Variants in SLC12A7 observed in about 807,000 individuals in gnomAD.
SLC12A7 encodes the protein K-Cl cotransporter 4.
A neutral mutation model predicts 120.6 loss-of-function variants in SLC12A7; 100 were observed. The observed-to-expected ratio is 0.83, with a 90% CI of 0.71 to 0.98. The LOEUF (loss-of-function observed/expected upper bound fraction) is 0.98. Ranked by LOEUF, SLC12A7 falls within the 50% of genes least tolerant of loss-of-function variation. SLC12A7 has a pLI of 0.00. For missense variants in SLC12A7, 1,373 were observed against 1,548.1 expected, an observed-to-expected ratio of 0.89 and a Z score of 1.90; for synonymous variants, 760 against 678.0, an observed-to-expected ratio of 1.12 and a Z score of -1.88.
the SLC12A7 span, among the ~76,000 whole-genome samples, chr5:1,137,076 T>C: frequency 1.4e-5 from 2 of 145,248 alleles, no homozygotes; most frequent in African/African-American, 2.9e-5. Flanking sequence ...CACACGTGTG[T>C]CTACAGCCAG....
At chr5:1,136,266 TCC>T in the SLC12A7 span, among the ~76,000 whole-genome samples, 2 of 130,912 alleles carry the variant, frequency 1.5e-5, no homozygotes, top group African/African-American at 6.8e-5. Context: ...AAATCACGAC[TCC>T]TCCTGACACC....
intron 20 of SLC12A7, among the ~76,000 whole-genome samples, chr5:1,061,786 C>T (rs1451875378): frequency 1.6e-5 from 2 of 124,514 alleles, no homozygotes; most frequent in African/African-American, 5.8e-5. Context: ...CCCATTGCTA[C>T]TAAAAATACA....
chr5:1,087,907 T>C lies in SLC12A7; in HGVS notation c.544+399A>G, dbSNP rs75090992. 5.3e-5 allele frequency among the ~76,000 whole-genome samples: 8 copies of C among 152,354 alleles called. No individual in the cohort carries two copies. In the East Asian group the frequency reaches 1.3e-3, roughly 26 times the overall value. On this transcript the variant is annotated intron_variant, in intron 5 of 23. Coordinates refer to ENST00000264930, the MANE Select transcript of SLC12A7 (RefSeq NM_006598.3). Reference sequence around the variant, plus strand: ...CTAGTTATTTAGTTATTATGTATTGTAATTAACTTATTACTAATTAACAAG... The same window carrying C: ...CTAGTTATTTAGTTATTATGTATTGCAATTAACTTATTACTAATTAACAAG...
At chr5:1,060,280 G>A (rs915164023) in intron 21 of SLC12A7, 64 bp downstream of exon 21, 29 of 1,246,432 alleles carry the variant, frequency 2.3e-5, no homozygotes, top group Non-Finnish European at 3.4e-5. Context: ...TCCCAGAAAA[G>A]ACTCGGCGAA....
chr5:1,098,130 AAGCCCAGCCCCCACAACCC>A (rs1561100981), intron 1 of SLC12A7, among the ~76,000 whole-genome samples: 79 of 35,866 alleles, frequency 2.2e-3, no homozygotes, highest in Non-Finnish European at 1.6e-3. Context: ...AACCCTCTGC[AAGCCCAGCCCCCACAACCC>A]TCTGCAAGCC....
At chr5:1,109,597 G>A (rs986596801) in intron 1 of SLC12A7, among the ~76,000 whole-genome samples, 20 of 152,230 alleles carry the variant, frequency 1.3e-4, no homozygotes, top group Non-Finnish European at 4.4e-5. Flanking sequence ...CTGGAGCCAG[G>A]CTGGGCAGAC....
rs143785560 is a variant in SLC12A7 at position 1,074,163 on chromosome 5, C to T, written c.2073-362G>A. On this transcript the variant is annotated intron_variant, in intron 16 of 23. Transcript: ENST00000264930. Reference sequence around the variant, plus strand: ...CAGGACACACACCTGAAGCCCCCACCGAGGCCCTGAGGGGACAATGGCCCG... The same window carrying T: ...CAGGACACACACCTGAAGCCCCCACTGAGGCCCTGAGGGGACAATGGCCCG... Among the ~76,000 whole-genome samples, 145 of 152,198 alleles carry T rather than the reference C, an allele frequency of 9.5e-4. No individual in the cohort carries two copies. In the Middle Eastern group the frequency reaches 0.034, roughly 36 times the overall value.
At chr5:1,152,689 A>G in the SLC12A7 span, among the ~76,000 whole-genome samples, 1 of 150,906 alleles carries the variant, frequency 6.6e-6, no homozygotes, top group Non-Finnish European at 1.5e-5. Flanking sequence ...CCCCCGGACC[A>G]TGCACTGCCT....
rs146442136 is a variant in SLC12A7 at position 1,063,676 on chromosome 5, C to T, written c.2739+168G>A. 1.2e-3 allele frequency among the ~76,000 whole-genome samples: 77 copies of T among 63,070 alleles called. 1 individual carries two copies. The highest frequency in any genetic ancestry group is 3.1e-3 in the African/African-American group (67 of 21,904). The allele number at this position is 63,070 out of a possible 152,430, so 41.4% of individuals were successfully genotyped here. A position where few individuals can be genotyped will look rare whatever the true frequency, so the allele number is the denominator to read the frequency against. ...ACCCCCACCTCACGAGGCCACAGCCCTCCCGATCTCCACTTCCCCCTCCAC... is the reference window on the plus strand; with the variant it reads ...ACCCCCACCTCACGAGGCCACAGCCTTCCCGATCTCCACTTCCCCCTCCAC... On this transcript the variant is annotated intron_variant, in intron 20 of 23. Transcript: ENST00000264930.
chr5:1,057,136 C>CAAGGACCCCTCAGCACTTGGCACTAG (rs1561027865), intron 22 of SLC12A7: 3 of 261,924 alleles, frequency 1.1e-5, no homozygotes, highest in Non-Finnish European at 2.1e-5. Context: ...CTAGGTCCTA[C>CAAGGACCCCTCAGCACTTGGCACTAG]AAGGACCCCT....
chr5:1,058,815 C>T (rs911135314), intron 21 of SLC12A7, among the ~76,000 whole-genome samples: 2 of 152,198 alleles, frequency 1.3e-5, no homozygotes, highest in African/African-American at 4.8e-5. Context: ...GAGCCAGCGC[C>T]GCCCACCTGG....
the SLC12A7 span, among the ~76,000 whole-genome samples, chr5:1,133,579 A>T: frequency 6.6e-6 from 1 of 152,104 alleles, no homozygotes; most frequent in East Asian, 1.9e-4. Flanking sequence ...AACAATCCCA[A>T]ATACTGGTAG....
In SLC12A7 at chr5:1,088,987, T is replaced by C. The variant is rs1561085097; in HGVS notation, c.484A>G (p.Thr162Ala). ...CCTGGCCGGGGGAGACTCACACATG[T>C]GCAGCACATGGCCACGATGAGGAAG... Reference protein sequence around the residue: ...ESFLIVAMCCTCTMLTAISMS... With the variant: ...ESFLIVAMCCACTMLTAISMS... The change falls in exon 4 of 24, where the codon ACA becomes GCA. Residue 162 changes from threonine to alanine, a missense_variant. By Grantham distance (58) the Thr-to-Ala change is moderately conservative (BLOSUM62 0). Coordinates refer to ENST00000264930, the MANE Select transcript of SLC12A7 (RefSeq NM_006598.3). 1 of 1,612,768 alleles carries C rather than the reference T, an allele frequency of 6.2e-7. No individual in the cohort carries two copies. The highest frequency in any genetic ancestry group is 8.5e-7 in the Non-Finnish European group (1 of 1,179,924).
intron 18 of SLC12A7, among the ~76,000 whole-genome samples, chr5:1,064,782 T>TGAGGGGACAGCGAGGAGACGGC (rs1329920829): frequency 7.0e-5 from 6 of 86,300 alleles, no homozygotes; most frequent in South Asian, 4.4e-4. Flanking sequence ...AAGGGGACGG[T>TGAGGGGACAGCGAGGAGACGGC]GAGGGGACAG....
chr5:1,083,950 G>T lies in SLC12A7; in HGVS notation c.924C>A (p.Cys308Ter). Reference protein sequence around the residue: ...SAFDPPDIPVCLLGNRTLSRR... With the variant: ...SAFDPPDIPV ...GTGACAGCGTGCGGTTCCCCAGGAG[G>T]CAGACCCTGGGCGGGACAGGGAGGC... Residue 308 changes from cysteine (C) to a stop codon, truncating the protein, a stop_gained, in exon 8 of 24, where the codon TGC (cysteine) becomes TGA (stop). Transcript: ENST00000264930. LOFTEE classifies it high-confidence loss of function. The T allele has an allele frequency of 6.2e-7, 1 of 1,601,398 alleles. No individual in the cohort carries two copies. Among genetic ancestry groups the T allele is most frequent in the African/African-American group, 1.3e-5 (1 of 75,006 alleles).
At chr5:1,069,663 C>T (rs993794594) in intron 17 of SLC12A7, among the ~76,000 whole-genome samples, 27 of 152,188 alleles carry the variant, frequency 1.8e-4, no homozygotes, top group African/African-American at 2.7e-4. Context: ...ATGAAAATCA[C>T]GCAGGTGGGC....
At chr5:1,104,371 A>G (rs1742305006) in intron 1 of SLC12A7, among the ~76,000 whole-genome samples, 1 of 152,218 alleles carries the variant, frequency 6.6e-6, no homozygotes, top group Non-Finnish European at 1.5e-5. Context: ...CAAGGTGGAC[A>G]TCCCCTGTGC....
rs907235812 is a variant in SLC12A7, at chr5:1,064,625, G to C, written c.2438-373C>G. Among the ~76,000 whole-genome samples, 4 of 152,196 alleles carry C rather than the reference G, an allele frequency of 2.6e-5. No individual in the cohort carries two copies. In the East Asian group the frequency reaches 7.7e-4, roughly 29 times the overall value. ...CGCACAGGCCTGGGGACGTTGAGGG[G>C]ACAGCGAGGAGACAGAGGGGACGGC... On this transcript the variant is annotated intron_variant, in intron 18 of 23. Transcript: ENST00000264930.
chr5:1,068,771 ATAAG>A (rs1737324306), intron 17 of SLC12A7, among the ~76,000 whole-genome samples: 1 of 152,234 alleles, frequency 6.6e-6, no homozygotes, highest in South Asian at 2.1e-4. Flanking sequence ...ACGTGAGAGT[ATAAG>A]TGAGCGCAGC....
Sources: allele counts gnomAD v4.1 joint callset (sites outside exome capture counted in the v4.1 genomes callset), GRCh38; gene constraint gnomAD v4.1.1; transcripts MANE v1.5; gene names NCBI Gene and HGNC (gene_info 2026-07-23, HGNC 2026-07-21).